RNF2: variants seen among roughly 807,000 people sequenced by gnomAD.
RNF2 encodes the protein E3 ubiquitin-protein ligase RING2.
RNF2 carries 6 observed loss-of-function variants against 37.2 expected under a neutral mutation model. That is an observed-to-expected ratio of 0.16 (90% CI 0.09 to 0.32). The LOEUF (loss-of-function observed/expected upper bound fraction) is 0.32, where lower values mean the gene tolerates loss of function less well. Among genes scored for constraint, RNF2 ranks in the 10% least tolerant of loss-of-function variants. The pLI is 1.00. For synonymous variants in RNF2, 133 were observed against 132.7 expected, an observed-to-expected ratio of 1.00 and a Z score of -0.02; for missense variants, 251 against 404.0, an observed-to-expected ratio of 0.62 and a Z score of 3.25.
chr1:185,054,510 A>G (rs1650370574), intron 1 of RNF2, among the ~76,000 whole-genome samples: 1 of 152,020 alleles, frequency 6.6e-6, no homozygotes, highest in Admixed American at 6.5e-5. Context: ...CGGGCCGGCC[A>G]GACGCCGGCT....
intron 1 of RNF2, among the ~76,000 whole-genome samples, chr1:185,049,833 C>T (rs1650225103): frequency 6.6e-6 from 1 of 152,112 alleles, no homozygotes; most frequent in South Asian, 2.1e-4. Context: ...TCTGGGAGAA[C>T]CACAAAAACC....
chr1:185,101,392 A>G lies in RNF2; in HGVS notation c.*1091A>G, dbSNP rs902479322. On this transcript the variant is annotated 3_prime_UTR_variant, in exon 7 of 7. Transcript: ENST00000367510. ...AATAGAGCTTGAGCCCTGCTTTAAT[A>G]TGTAGTGAAAGATAATTCTGTAGAA... The G allele has an allele frequency of 3.3e-5, 5 of 152,652 alleles. No individual in the cohort carries two copies. Among genetic ancestry groups the G allele is most frequent in the African/African-American group, 1.2e-4 (5 of 41,556 alleles). The allele number at this position is 152,652 out of a possible 1,614,324, so 9.5% of individuals were successfully genotyped here.
intron 5 of RNF2, among the ~76,000 whole-genome samples, chr1:185,099,465 T>TG (rs1159936833): frequency 2.0e-5 from 3 of 152,228 alleles, no homozygotes; most frequent in African/African-American, 7.2e-5. Flanking sequence ...CATTAGGGTT[T>TG]GGGGGGTATG....
At chr1:185,061,124 C>T (rs555586361) in intron 1 of RNF2, among the ~76,000 whole-genome samples, 1 of 126,890 alleles carries the variant, frequency 7.9e-6, no homozygotes, top group African/African-American at 3.4e-5. Context: ...CTATTTCTCT[C>T]TCTCTTTTTT....
intron 1 of RNF2, among the ~76,000 whole-genome samples, chr1:185,051,731 ATTC>A (rs956238516): frequency 3.7e-5 from 5 of 133,392 alleles, no homozygotes; most frequent in African/African-American, 7.5e-5. Context: ...TCCTTAACTA[ATTC>A]TTTTTTTTTT....
At chr1:185,076,128 A>G (rs1488987710) in intron 1 of RNF2, among the ~76,000 whole-genome samples, 1 of 151,564 alleles carries the variant, frequency 6.6e-6, no homozygotes, top group East Asian at 1.9e-4. Context: ...TTTATCTTTT[A>G]AATTTGCTCA....
chr1:185,054,514 G>T (rs1021138332), intron 1 of RNF2, among the ~76,000 whole-genome samples: 6 of 152,036 alleles, frequency 3.9e-5, no homozygotes, highest in African/African-American at 1.4e-4. Context: ...CCGGCCAGAC[G>T]CCGGCTCTTC....
intron 1 of RNF2, among the ~76,000 whole-genome samples, chr1:185,052,231 T>C (rs972763017): frequency 6.6e-5 from 10 of 151,998 alleles, no homozygotes; most frequent in African/African-American, 2.4e-4. Flanking sequence ...AAACCGGAGG[T>C]ATCCAAAGTA....
chr1:185,082,413 C>T (rs1402167455), intron 1 of RNF2, among the ~76,000 whole-genome samples: 14 of 142,328 alleles, frequency 9.8e-5, no homozygotes, highest in African/African-American at 2.9e-4. Flanking sequence ...TGCAGTGGCA[C>T]GATCTTGGCT....
chr1:185,101,832 G>GTTTTTTTTTTTT lies in RNF2; in HGVS notation c.*1542_*1553dup, dbSNP rs768356678. Reference sequence around the variant, plus strand: ...AATATTTAAAATCTGTTTTTACAGGGTTTTTTTTTTTTTTTTTTTTTTGTA... The same window carrying GTTTTTTTTTTTT: ...AATATTTAAAATCTGTTTTTACAGGGTTTTTTTTTTTTTTTTTTTTTTTTTTTTTTTTTTGTA... On this transcript the variant is annotated 3_prime_UTR_variant, in exon 7 of 7. Transcript: ENST00000367510. 2.7e-3 allele frequency: 265 copies of GTTTTTTTTTTTT among 97,832 alleles called. No individual in the cohort carries two copies. The highest frequency in any genetic ancestry group is 3.0e-3 in the Non-Finnish European group (156 of 51,806). 6.1% of individuals were successfully genotyped at this position (97,832 alleles called of 1,614,324 possible). A position where few individuals can be genotyped will look rare whatever the true frequency, so the allele number is the denominator to read the frequency against.
Position 185,098,055 on chromosome 1 carries a change from T to C in RNF2, c.465-17T>C. On this transcript the variant is annotated splice_polypyrimidine_tract_variant and intron_variant, in intron 4 of 6. Transcript: ENST00000367510. ...CTAAAAGTAAATTTTATGCATCCTT[T>C]TTTCCCCCTTGACTAGACTGCAGCG... 6.2e-7 allele frequency: 1 copy of C among 1,607,936 alleles called. No individual in the cohort carries two copies. The highest frequency in any genetic ancestry group is 8.5e-7 in the Non-Finnish European group (1 of 1,175,626).
rs570954594 is a variant in RNF2, at chr1:185,081,905, C to T, written c.-2-5647C>T. Among the ~76,000 whole-genome samples, 32 of 152,228 alleles carry T rather than the reference C, an allele frequency of 2.1e-4. No individual in the cohort carries two copies. The South Asian group carries it at 4.8e-3, about 23-fold the overall frequency. Reference sequence around the variant, plus strand: ...ACTGTAGTGGATCAGAAAGCTGTAGCGGCAGCAGACCACCAAACAGTGACC... The same window carrying T: ...ACTGTAGTGGATCAGAAAGCTGTAGTGGCAGCAGACCACCAAACAGTGACC... On this transcript the variant is annotated intron_variant, in intron 1 of 6. Transcript: ENST00000367510.
At chr1:185,050,767 G>A (rs2102149652) in intron 1 of RNF2, among the ~76,000 whole-genome samples, 1 of 152,312 alleles carries the variant, frequency 6.6e-6, no homozygotes, top group East Asian at 1.9e-4. Flanking sequence ...ATCTAAAAAT[G>A]GGGCTTTGGA....
In RNF2 at chr1:185,100,655, C is replaced by T. The variant is rs1241130799; in HGVS notation, c.*354C>T. On this transcript the variant is annotated 3_prime_UTR_variant, in exon 7 of 7. Transcript: ENST00000367510. The stretch of plus-strand genomic sequence containing the variant: ...TTCAGTTGGCTGTCCTTTTCCTGCT[C>T]CCCTCAAAAGATTTTTAGTCATACA... The T allele has an allele frequency of 6.1e-6, 1 of 164,704 alleles. No individual in the cohort carries two copies. The highest frequency in any genetic ancestry group is 1.6e-4 in the East Asian group (1 of 6,154). 10.2% of individuals were successfully genotyped at this position (164,704 alleles called of 1,614,324 possible). A position where few individuals can be genotyped will look rare whatever the true frequency, so the allele number is the denominator to read the frequency against.
At chr1:185,096,401 T>C (rs1293096559) in intron 4 of RNF2, among the ~76,000 whole-genome samples, 1 of 152,176 alleles carries the variant, frequency 6.6e-6, no homozygotes, top group Non-Finnish European at 1.5e-5. Flanking sequence ...TACAGAACTC[T>C]TTTCATCTTA....
intron 1 of RNF2, chr1:185,046,182 C>G (rs562132702): frequency 1.2e-4 from 18 of 152,458 alleles, no homozygotes; most frequent in African/African-American, 4.3e-4. Flanking sequence ...AGTCGGGGTT[C>G]CAGTGTAGAG....
At chr1:185,057,440 T>G (rs1392275528) in intron 1 of RNF2, among the ~76,000 whole-genome samples, 1 of 152,208 alleles carries the variant, frequency 6.6e-6, no homozygotes, top group African/African-American at 2.4e-5. Flanking sequence ...GTGGTTCGTT[T>G]ATAAGTTTTT....
chr1:185,070,731 C>A (rs984793889), intron 1 of RNF2, among the ~76,000 whole-genome samples: 1 of 151,594 alleles, frequency 6.6e-6, no homozygotes, highest in Admixed American at 6.6e-5. Flanking sequence ...TTCCGCCTCC[C>A]GGGTTCACAC....
At chr1:185,075,607 C>G (rs946201255) in intron 1 of RNF2, among the ~76,000 whole-genome samples, 1 of 152,178 alleles carries the variant, frequency 6.6e-6, no homozygotes, top group African/African-American at 2.4e-5. Context: ...AGGAAACTTA[C>G]ATTCATGGTG....
Sources: gnomAD v4.1 joint callset for allele counts (sites outside exome capture counted in the v4.1 genomes callset) on GRCh38, gnomAD v4.1.1 for gene constraint, MANE v1.5 for transcripts, NCBI Gene and HGNC (gene_info 2026-07-23, HGNC 2026-07-21) for gene names.